The following C9orf85 variants were observed in gnomAD, a reference collection of about 807,000 sequenced individuals.
C9orf85 encodes uncharacterized protein C9orf85.
A neutral mutation model predicts 14.9 loss-of-function variants in C9orf85; 16 were observed. That is an observed-to-expected ratio of 1.08 (90% CI 0.73 to 1.63). C9orf85 has a LOEUF of 1.63. C9orf85 is among the 40% of genes most tolerant of loss of function. The pLI, the probability that C9orf85 is intolerant of heterozygous loss-of-function variation, is 0.00. For missense variants in C9orf85, 172 were observed against 186.1 expected (o/e 0.92, Z 0.44); for synonymous variants, 45 against 56.8 (o/e 0.79, Z 0.93).
At chr9:71,975,931 A>C (rs1822989304), downstream of C9orf85, among the ~76,000 whole-genome samples, 1 of 152,246 alleles carries the variant, frequency 6.6e-6, no homozygotes, top group Admixed American at 6.5e-5. Flanking sequence ...TAAGGAGCCA[A>C]CTAAAGTCTT....
chr9:71,963,791 G>C (rs1049469461), intron 2 of C9orf85, among the ~76,000 whole-genome samples: 1 of 152,186 alleles, frequency 6.6e-6, no homozygotes, highest in African/African-American at 2.4e-5. Flanking sequence ...CAGAGCTCGG[G>C]ACCTGCAGTC....
chr9:71,966,380 C>T (rs1205764645), intron 2 of C9orf85, among the ~76,000 whole-genome samples: 1 of 152,086 alleles, frequency 6.6e-6, no homozygotes, highest in Non-Finnish European at 1.5e-5. Flanking sequence ...ATCATTTTGA[C>T]ATTTCTGAAG....
At chr9:71,918,528 G>A in intron 1 of C9orf85, 1 of 955,194 alleles carries the variant, frequency 1.0e-6, no homozygotes, top group Non-Finnish European at 1.5e-6. Context: ...GTCAGGAACT[G>A]GGCCACACAG....
At chr9:71,940,320 A>G (rs1460283099) in intron 1 of C9orf85, among the ~76,000 whole-genome samples, 1 of 152,140 alleles carries the variant, frequency 6.6e-6, no homozygotes, top group Non-Finnish European at 1.5e-5. Flanking sequence ...TGCAATCCCA[A>G]CTACATGGGA....
chr9:71,919,425 G>C (rs980145515), intron 1 of C9orf85, among the ~76,000 whole-genome samples: 1 of 152,198 alleles, frequency 6.6e-6, no homozygotes, highest in Non-Finnish European at 1.5e-5. Flanking sequence ...GATCTGAATT[G>C]ACCATCTCTG....
chr9:71,940,853 T>A (rs1821910274), intron 1 of C9orf85, among the ~76,000 whole-genome samples: 1 of 152,216 alleles, frequency 6.6e-6, no homozygotes. Context: ...TGGTAATTTA[T>A]ACAATGGAAT....
intron 1 of C9orf85, among the ~76,000 whole-genome samples, chr9:71,930,248 A>G (rs1167935462): frequency 2.0e-5 from 3 of 152,176 alleles, no homozygotes; most frequent in African/African-American, 7.2e-5. Flanking sequence ...TTGAGTAAGC[A>G]GAAGAACATT....
At chr9:71,974,598 G>A (rs1010784843), downstream of C9orf85, among the ~76,000 whole-genome samples, 1 of 152,072 alleles carries the variant, frequency 6.6e-6, no homozygotes, top group East Asian at 1.9e-4. Flanking sequence ...CATTTTTCCT[G>A]TTACATCAAT....
At chr9:71,963,072 T>G (rs547671310) in intron 2 of C9orf85, among the ~76,000 whole-genome samples, 2 of 152,096 alleles carry the variant, frequency 1.3e-5, no homozygotes, top group Non-Finnish European at 2.9e-5. Context: ...AAAAAAAGGT[T>G]GTGTTACTAT....
At chr9:71,916,499 T>C (rs1416021818) in intron 1 of C9orf85, among the ~76,000 whole-genome samples, 1 of 152,168 alleles carries the variant, frequency 6.6e-6, no homozygotes, top group Non-Finnish European at 1.5e-5. Context: ...CAACCAAAAC[T>C]TGCTTGGCTA....
intron 2 of C9orf85, among the ~76,000 whole-genome samples, chr9:71,970,111 A>AT (rs907542694): frequency 5.3e-5 from 8 of 151,780 alleles, no homozygotes; most frequent in African/African-American, 1.9e-4. Context: ...TGCCCAGCTA[A>AT]TTTTTTTTGT....
At chr9:71,918,550 C>A in intron 1 of C9orf85, 7 of 682,194 alleles carry the variant, frequency 1.0e-5, no homozygotes, top group Non-Finnish European at 1.4e-5. Flanking sequence ...AGGAGTTGAA[C>A]TGCAGGTGAG....
downstream of C9orf85, chr9:71,983,983 GA>G (rs552226862): frequency 6.6e-6 from 1 of 152,110 alleles, no homozygotes; most frequent in African/African-American, 2.4e-5. Flanking sequence ...CTTTGTGAAA[GA>G]AAAAAAGAAT....
intron 2 of C9orf85, among the ~76,000 whole-genome samples, chr9:71,950,076 C>G (rs1318827665): frequency 1.3e-5 from 2 of 152,140 alleles, no homozygotes; most frequent in African/African-American, 4.8e-5. Context: ...CCTAGAACAT[C>G]ATGTATTTCA....
chr9:71,935,864 T>G (rs959103570), intron 1 of C9orf85, among the ~76,000 whole-genome samples: 8 of 150,872 alleles, frequency 5.3e-5, no homozygotes, highest in African/African-American at 1.9e-4. Flanking sequence ...ATAAAAATCG[T>G]TAAGTTGGTA....
intron 3 of C9orf85, among the ~76,000 whole-genome samples, chr9:71,978,529 G>T (rs1407051042): frequency 6.6e-6 from 1 of 152,008 alleles, no homozygotes; most frequent in Non-Finnish European, 1.5e-5. Context: ...CAGACACAAG[G>T]TATTATATAC....
chr9:71,922,788 C>T (rs1418342393), intron 1 of C9orf85, among the ~76,000 whole-genome samples: 2 of 152,224 alleles, frequency 1.3e-5, no homozygotes, highest in African/African-American at 4.8e-5. Context: ...CCCTCATGGT[C>T]AGACCACAGA....
chr9:71,942,197 G>A (rs1455703617), intron 1 of C9orf85, among the ~76,000 whole-genome samples: 2 of 152,168 alleles, frequency 1.3e-5, no homozygotes, highest in East Asian at 3.9e-4. Flanking sequence ...TGTAACACTG[G>A]CCTACATTGA....
intron 1 of C9orf85, among the ~76,000 whole-genome samples, chr9:71,946,325 C>T (rs1241060563): frequency 1.3e-5 from 2 of 152,154 alleles, no homozygotes; most frequent in Non-Finnish European, 2.9e-5. Flanking sequence ...TTCCAACTCA[C>T]GGGGAGGATT....
Sources: allele counts gnomAD v4.1 joint callset (sites outside exome capture counted in the v4.1 genomes callset), GRCh38; gene constraint gnomAD v4.1.1; transcripts MANE v1.5; gene names NCBI Gene and HGNC (gene_info 2026-07-23, HGNC 2026-07-21).